Variants in PRIM2 observed in about 807,000 individuals in gnomAD.
The protein encoded by PRIM2 is DNA primase subunit 2, also known as DNA primase large subunit.
In PRIM2, 39 loss-of-function variants were observed where a neutral mutation model predicts 67.3. The ratio of observed to expected loss-of-function variants is 0.58; its 90% CI spans 0.45 to 0.76. The LOEUF (loss-of-function observed/expected upper bound fraction) is 0.76, where lower values mean the gene tolerates loss of function less well. Ranked by LOEUF, PRIM2 falls within the 30% of genes least tolerant of loss-of-function variation. PRIM2 has a pLI of 0.00. For synonymous variants in PRIM2, 143 were observed against 198.7 expected (o/e 0.72, Z 2.36); for missense variants, 398 against 598.7 (o/e 0.66, Z 3.50).
chr6:57,286,289 C>T, the PRIM2 span, among the ~76,000 whole-genome samples: 3 of 152,196 alleles, frequency 2.0e-5, no homozygotes, highest in Admixed American at 6.5e-5. Context: ...AAAAAGAGCC[C>T]GTATAGCCAA....
chr6:57,499,255 A>G (rs1162236554), intron 7 of PRIM2, among the ~76,000 whole-genome samples: 15 of 152,274 alleles, frequency 9.9e-5, no homozygotes, highest in Non-Finnish European at 2.1e-4. Flanking sequence ...GATATCTCTA[A>G]TCTCCCATTC....
chr6:57,539,632 GTGTGTGTGTGTGTGTGTGTGTGTGTATA>G (rs1455275314), intron 10 of PRIM2, among the ~76,000 whole-genome samples: 1 of 66,808 alleles, frequency 1.5e-5, no homozygotes, highest in Non-Finnish European at 3.0e-5. Context: ...GTGTGTGTGT[GTGTGTGTGTGTGTGTGTGTGTGTGTATA>G]TATATATATA....
chr6:57,298,145 A>G, the PRIM2 span, among the ~76,000 whole-genome samples: 1 of 152,178 alleles, frequency 6.6e-6, no homozygotes, highest in Non-Finnish European at 1.5e-5. Context: ...GCAGATCAAG[A>G]GGTCAGGAGT....
At chr6:57,379,855 A>G in intron 5 of PRIM2, 46 bp from the exon 6 acceptor site, 2 of 1,510,018 alleles carry the variant, frequency 1.3e-6, no homozygotes, top group Non-Finnish European at 1.8e-6. Flanking sequence ...TTGAAACTGA[A>G]TGAGGACTTC....
chr6:57,355,917 C>T (rs1769016170), intron 5 of PRIM2, among the ~76,000 whole-genome samples: 1 of 152,134 alleles, frequency 6.6e-6, no homozygotes, highest in Non-Finnish European at 1.5e-5. Flanking sequence ...GTTAGGATTG[C>T]AGGTATGAGC....
chr6:57,307,059 C>T, the PRIM2 span, among the ~76,000 whole-genome samples: 7 of 151,546 alleles, frequency 4.6e-5, no homozygotes, highest in African/African-American at 1.7e-4. Context: ...ATTAGCTTGG[C>T]GTGGTGGCAT....
At chr6:57,273,768 T>G in the PRIM2 span, among the ~76,000 whole-genome samples, 1 of 152,208 alleles carries the variant, frequency 6.6e-6, no homozygotes, top group Non-Finnish European at 1.5e-5. Flanking sequence ...TTATCTACCT[T>G]TGGTCTTTGA....
At chr6:57,634,538 C>T (rs1450507264) in intron 13 of PRIM2, among the ~76,000 whole-genome samples, 1 of 152,236 alleles carries the variant, frequency 6.6e-6, no homozygotes, top group African/African-American at 2.4e-5. Flanking sequence ...TTTGGTTGCT[C>T]CGCTTGAGAG....
chr6:57,300,734 A>G, the PRIM2 span, among the ~76,000 whole-genome samples: 1 of 152,208 alleles, frequency 6.6e-6, no homozygotes, highest in African/African-American at 2.4e-5. Flanking sequence ...TAGAAACAAC[A>G]GTCCCCGGCC....
intron 7 of PRIM2, among the ~76,000 whole-genome samples, chr6:57,470,025 C>T (rs1389825608): frequency 2.0e-5 from 3 of 152,102 alleles, no homozygotes; most frequent in South Asian, 4.2e-4. Flanking sequence ...GGCTGAGTTA[C>T]CCTGACCTGT....
At chr6:57,277,539 T>G in the PRIM2 span, among the ~76,000 whole-genome samples, 3 of 152,116 alleles carry the variant, frequency 2.0e-5, no homozygotes, top group African/African-American at 7.2e-5. Context: ...TAAAGTTAAA[T>G]GTGTTGGAGG....
chr6:57,439,690 C>T (rs1050644154), intron 7 of PRIM2, among the ~76,000 whole-genome samples: 1 of 151,978 alleles, frequency 6.6e-6, no homozygotes, highest in African/African-American at 2.4e-5. Context: ...GCCGATATTA[C>T]AGGCCTGAGC....
chr6:57,516,357 A>C (rs1218169955), intron 8 of PRIM2, among the ~76,000 whole-genome samples: 2 of 152,120 alleles, frequency 1.3e-5, no homozygotes, highest in Non-Finnish European at 2.9e-5. Flanking sequence ...ATGGAGTGAA[A>C]ACAGCTTTTT....
intron 10 of PRIM2, among the ~76,000 whole-genome samples, chr6:57,591,430 C>T (rs1487593308): frequency 2.0e-5 from 3 of 152,146 alleles, no homozygotes; most frequent in Non-Finnish European, 2.9e-5. Context: ...TCTGTTAGTA[C>T]TTATGATAAC....
At chr6:57,419,966 G>C (rs554695679) in intron 7 of PRIM2, among the ~76,000 whole-genome samples, 59 of 152,264 alleles carry the variant, frequency 3.9e-4, no homozygotes, top group South Asian at 1.5e-3. Flanking sequence ...TTGGAACTGA[G>C]GAAACAGAAT....
intron 10 of PRIM2, among the ~76,000 whole-genome samples, chr6:57,552,740 TTCCTG>T (rs1775428787): frequency 6.6e-6 from 1 of 152,176 alleles, no homozygotes; most frequent in Non-Finnish European, 1.5e-5. Flanking sequence ...TCCAGTTGCA[TTCCTG>T]TATGCCATCC....
the PRIM2 span, among the ~76,000 whole-genome samples, chr6:57,253,690 A>G: frequency 7.2e-5 from 11 of 152,208 alleles, no homozygotes; most frequent in Non-Finnish European, 5.9e-5. Flanking sequence ...TTATTAATGC[A>G]ACTAACTACT....
intron 7 of PRIM2, among the ~76,000 whole-genome samples, chr6:57,417,009 C>A (rs1771286183): frequency 6.7e-6 from 1 of 149,976 alleles, no homozygotes; most frequent in South Asian, 2.1e-4. Flanking sequence ...CTCTGTCACT[C>A]AGGCTGGAGT....
Position 57,506,813 on chromosome 6 carries a change from T to C in PRIM2, c.694-574T>C, listed in dbSNP as rs1487898562. Among the ~76,000 whole-genome samples the C allele has an allele frequency of 3.3e-5, 5 of 152,228 alleles. No individual in the cohort carries two copies. In the East Asian group the frequency reaches 7.7e-4, roughly 23 times the overall value. On this transcript the variant is annotated intron_variant, in intron 7 of 13. Coordinates refer to ENST00000615550, the MANE Select transcript of PRIM2 (RefSeq NM_000947.5). Reference sequence around the variant, plus strand: ...ACACAGTATTGGCTCTGACTTCTTATTTCCTAGCTCAATTTGAGGTCATAT... The same window carrying C: ...ACACAGTATTGGCTCTGACTTCTTACTTCCTAGCTCAATTTGAGGTCATAT...
Sources: gnomAD v4.1 joint callset for allele counts (sites outside exome capture counted in the v4.1 genomes callset) on GRCh38, gnomAD v4.1.1 for gene constraint, MANE v1.5 for transcripts, NCBI Gene and HGNC (gene_info 2026-07-23, HGNC 2026-07-21) for gene names.